The following RALGPS2 variants were observed in gnomAD, a reference collection of about 807,000 sequenced individuals.
The protein encoded by RALGPS2 is ras-specific guanine nucleotide-releasing factor RalGPS2.
RALGPS2 carries 43 observed loss-of-function variants against 86.8 expected under a neutral mutation model. The ratio of observed to expected loss-of-function variants is 0.50; its 90% confidence interval spans 0.39 to 0.64. The LOEUF (loss-of-function observed/expected upper bound fraction) is 0.64, where lower values mean the gene tolerates loss of function less well. Among genes scored for constraint, RALGPS2 ranks in the 30% least tolerant of loss-of-function variants. The pLI is 0.00. For missense variants in RALGPS2, 536 were observed against 694.6 expected (o/e 0.77, Z 2.57); for synonymous variants, 243 against 231.3 (o/e 1.05, Z -0.46).
intron 6 of RALGPS2, among the ~76,000 whole-genome samples, chr1:178,819,402 T>C (rs1431718122): frequency 1.3e-5 from 2 of 152,178 alleles, no homozygotes. Flanking sequence ...TCTGGCAGTC[T>C]CTTGATGGTG....
At chr1:178,787,309 G>A (rs1653702792) in intron 4 of RALGPS2, among the ~76,000 whole-genome samples, 1 of 152,214 alleles carries the variant, frequency 6.6e-6, no homozygotes, top group African/African-American at 2.4e-5. Flanking sequence ...CAGAAATATA[G>A]TATAAGCCAT....
chr1:178,827,848 G>C (rs1036276414), intron 7 of RALGPS2, among the ~76,000 whole-genome samples: 12 of 152,118 alleles, frequency 7.9e-5, no homozygotes, highest in Admixed American at 4.6e-4. Flanking sequence ...AAGATAACAA[G>C]AACACACAAT....
intron 8 of RALGPS2, among the ~76,000 whole-genome samples, chr1:178,872,313 G>T (rs1330466669): frequency 6.6e-6 from 1 of 152,156 alleles, no homozygotes; most frequent in Non-Finnish European, 1.5e-5. Flanking sequence ...GTATACCAGA[G>T]GTTGCAAACA....
At chr1:178,855,870 G>T (rs1176901258) in intron 8 of RALGPS2, among the ~76,000 whole-genome samples, 1 of 150,676 alleles carries the variant, frequency 6.6e-6, no homozygotes. Flanking sequence ...CTTTTTATCT[G>T]CCTATTGAGA....
chr1:178,885,748 G>A (rs1030265087), intron 12 of RALGPS2: 3 of 350,528 alleles, frequency 8.6e-6, no homozygotes, highest in East Asian at 4.9e-5. Flanking sequence ...AAACGGACAC[G>A]AGGCTTAAAA....
At chr1:178,876,656 T>C (rs1031062085) in intron 8 of RALGPS2, among the ~76,000 whole-genome samples, 7 of 152,176 alleles carry the variant, frequency 4.6e-5, no homozygotes, top group African/African-American at 1.4e-4. Context: ...TACATGAACA[T>C]GAAGTAATGG....
At chr1:178,905,079 A>G (rs1660335716) in intron 18 of RALGPS2, among the ~76,000 whole-genome samples, 1 of 151,818 alleles carries the variant, frequency 6.6e-6, no homozygotes, top group Non-Finnish European at 1.5e-5. Flanking sequence ...TTTGTTAGGT[A>G]TATTCCTAAG....
intron 13 of RALGPS2, among the ~76,000 whole-genome samples, chr1:178,886,697 A>G (rs1572451754): frequency 6.6e-6 from 1 of 152,336 alleles, no homozygotes; most frequent in South Asian, 2.1e-4. Context: ...TACATAAATA[A>G]AAAAACATTC....
intron 8 of RALGPS2, among the ~76,000 whole-genome samples, chr1:178,876,303 A>C (rs73039861): frequency 0.052 from 7,952 of 152,270 alleles, 724 homozygotes; most frequent in African/African-American, 0.18. Flanking sequence ...TTTTTAATAG[A>C]ATATAAGTAA....
chr1:178,760,390 A>G (rs1226252495), intron 1 of RALGPS2, among the ~76,000 whole-genome samples: 1 of 152,230 alleles, frequency 6.6e-6, no homozygotes, highest in African/African-American at 2.4e-5. Flanking sequence ...GTATATATTT[A>G]GGATAGTTAA....
chr1:178,852,375 C>T (rs966320193), intron 8 of RALGPS2, among the ~76,000 whole-genome samples: 23 of 152,170 alleles, frequency 1.5e-4, no homozygotes, highest in African/African-American at 5.6e-4. Flanking sequence ...GTGCCTGGCA[C>T]GTGGTAGGTG....
chr1:178,875,037 A>G (rs772179529), intron 8 of RALGPS2, among the ~76,000 whole-genome samples: 14 of 151,786 alleles, frequency 9.2e-5, no homozygotes, highest in Non-Finnish European at 1.9e-4. Context: ...TCAAAGTAAC[A>G]CACATATATG....
intron 8 of RALGPS2, among the ~76,000 whole-genome samples, chr1:178,868,390 T>G (rs2102344912): frequency 6.6e-6 from 1 of 152,066 alleles, no homozygotes; most frequent in East Asian, 1.9e-4. Context: ...GTCCATTCAT[T>G]TTAATACTAG....
intron 7 of RALGPS2, among the ~76,000 whole-genome samples, chr1:178,828,451 G>GAAAC (rs1454449570): frequency 2.4e-4 from 36 of 152,252 alleles, no homozygotes; most frequent in African/African-American, 8.2e-4. Flanking sequence ...TTTAAACATG[G>GAAAC]AAACAGCACA....
At chr1:178,903,302 CTTCTTTTTAGA>C (rs2102407478) in intron 18 of RALGPS2, among the ~76,000 whole-genome samples, 1 of 152,158 alleles carries the variant, frequency 6.6e-6, no homozygotes, top group Non-Finnish European at 1.5e-5. Context: ...ACCAAAATGT[CTTCTTTTTAGA>C]TTAAGTAGAT....
chr1:178,909,643 A>ATTT lies in RALGPS2; in HGVS notation c.1722+2798_1722+2800dup, dbSNP rs57890269. ...TTTGTAATTCTCTTTTTCTTTTTTA[A>ATTT]TTTTTTTTTTTTTTTTTTTTTTTTG... On this transcript the variant is annotated intron_variant, in intron 19 of 19. Coordinates refer to ENST00000367635, the MANE Select transcript of RALGPS2 (RefSeq NM_152663.5). 3.0e-3 allele frequency among the ~76,000 whole-genome samples: 218 copies of ATTT among 72,336 alleles called. 1 individual carries two copies. Among genetic ancestry groups the ATTT allele is most frequent in the Non-Finnish European group, 4.1e-3 (164 of 39,634 alleles). 47.5% of individuals were successfully genotyped at this position (72,336 alleles called of 152,430 possible).
At chr1:178,765,389 G>A (rs995380378) in intron 1 of RALGPS2, among the ~76,000 whole-genome samples, 10 of 152,078 alleles carry the variant, frequency 6.6e-5, no homozygotes, top group East Asian at 1.9e-4. Context: ...CCCCAAAGCC[G>A]CAAAACCAGC....
At chr1:178,861,871 TGTTGTTGTA>T (rs1658039195) in intron 8 of RALGPS2, among the ~76,000 whole-genome samples, 1 of 152,156 alleles carries the variant, frequency 6.6e-6, no homozygotes, top group South Asian at 2.1e-4. Flanking sequence ...GTTTGTTTGT[TGTTGTTGTA>T]GTTGTTGTTG....
intron 15 of RALGPS2, among the ~76,000 whole-genome samples, chr1:178,893,646 A>T (rs1279115914): frequency 6.6e-6 from 1 of 151,946 alleles, no homozygotes. Flanking sequence ...TATTTACTAA[A>T]GTGAATTACT....
Sources: gnomAD v4.1 joint callset for allele counts (sites outside exome capture counted in the v4.1 genomes callset) on GRCh38, gnomAD v4.1.1 for gene constraint, MANE v1.5 for transcripts, NCBI Gene and HGNC (gene_info 2026-07-23, HGNC 2026-07-21) for gene names.